DRC12: variants seen among roughly 807,000 people sequenced by gnomAD.
DRC12 encodes the protein dynein regulatory complex subunit 12 homolog.
At chr11:119,191,301 T>C in the DRC12 span, among the ~76,000 whole-genome samples, 1 of 151,560 alleles carries the variant, frequency 6.6e-6, no homozygotes, top group Non-Finnish European at 1.5e-5. Flanking sequence ...GGTTTCACCA[T>C]GTTGGCCAGG....
the DRC12 span, chr11:119,195,042 C>A: frequency 6.8e-7 from 1 of 1,465,232 alleles, no homozygotes; most frequent in South Asian, 1.2e-5. Context: ...TCTCAGCATT[C>A]CTCACTCTGC....
chr11:119,190,787 C>A, the DRC12 span: 101 of 1,613,998 alleles, frequency 6.3e-5, no homozygotes, highest in Middle Eastern at 3.3e-4. This position sits in a 1 kb window ranked among gnomAD's most constrained non-coding sequence, Gnocchi z 4.2. Context: ...TCCCGCTCTC[C>A]GAGAGCTTGT....
At chr11:119,195,354 G>C in the DRC12 span, 2 of 1,378,644 alleles carry the variant, frequency 1.5e-6, no homozygotes, top group Non-Finnish European at 2.0e-6. Flanking sequence ...ATTCTCTCTG[G>C]AGGAGCTCTG....
the DRC12 span, among the ~76,000 whole-genome samples, chr11:119,191,275 T>A: frequency 6.6e-6 from 1 of 151,622 alleles, no homozygotes; most frequent in Admixed American, 6.6e-5. Flanking sequence ...AATCTTCGAA[T>A]TTTTAGTAGA....
the DRC12 span, chr11:119,195,050 T>C: frequency 5.7e-3 from 8,154 of 1,420,736 alleles, 410 homozygotes; most frequent in African/African-American, 0.1. Flanking sequence ...TTCCTCACTC[T>C]GCTCACATCC....
the DRC12 span, chr11:119,190,921 G>T: frequency 6.7e-7 from 1 of 1,499,174 alleles, no homozygotes; most frequent in Non-Finnish European, 9.0e-7. The surrounding 1 kb of genome is among the most constrained non-coding windows in gnomAD (Gnocchi z 4.2). Flanking sequence ...CTGGAAAGGA[G>T]ACCTCAAATG....
chr11:119,191,677 G>A, the DRC12 span, among the ~76,000 whole-genome samples: 3 of 151,552 alleles, frequency 2.0e-5, no homozygotes, highest in Admixed American at 6.6e-5. Context: ...GCATGGTGGC[G>A]CACACCTGTA....
chr11:119,193,872 A>T, the DRC12 span: 1 of 1,551,312 alleles, frequency 6.4e-7, no homozygotes, highest in Non-Finnish European at 8.7e-7. Context: ...GACGGGCTTC[A>T]TCCCTCCGTA....
chr11:119,193,542 C>A, the DRC12 span: 2 of 1,406,482 alleles, frequency 1.4e-6, no homozygotes, highest in Non-Finnish European at 1.9e-6. Context: ...CAGCATCAAG[C>A]ACATGGCACC....
At chr11:119,190,933 G>A in the DRC12 span, 2 of 1,446,006 alleles carry the variant, frequency 1.4e-6, no homozygotes, top group South Asian at 2.6e-5. The surrounding 1 kb of genome is among the most constrained non-coding windows in gnomAD (Gnocchi z 4.2). Context: ...CCTCAAATGG[G>A]CTCGTTCCAG....
chr11:119,194,615 GAA>G, the DRC12 span, among the ~76,000 whole-genome samples: 1 of 151,428 alleles, frequency 6.6e-6, no homozygotes, highest in Non-Finnish European at 1.5e-5. Context: ...GCTGAGGCGG[GAA>G]GATTGTTGCG....
the DRC12 span, among the ~76,000 whole-genome samples, chr11:119,194,529 A>AG: frequency 1.5e-5 from 2 of 136,736 alleles, no homozygotes; most frequent in East Asian, 2.1e-4. Context: ...AAAAAAAAAA[A>AG]AAAAAAAAAA....
the DRC12 span, chr11:119,193,815 C>T: frequency 6.4e-7 from 1 of 1,551,698 alleles, no homozygotes; most frequent in Non-Finnish European, 8.7e-7. Flanking sequence ...GCTCAGCCTC[C>T]ACCCCTTGCA....
the DRC12 span, among the ~76,000 whole-genome samples, chr11:119,191,716 G>C: frequency 4.6e-5 from 7 of 151,804 alleles, no homozygotes; most frequent in Non-Finnish European, 1.0e-4. Context: ...ACTGAGGCAG[G>C]AGAATTGCTT....
At chr11:119,190,927 A>G in the DRC12 span, 1 of 1,483,234 alleles carries the variant, frequency 6.7e-7, no homozygotes. This position sits in a 1 kb window ranked among gnomAD's most constrained non-coding sequence, Gnocchi z 4.2. Flanking sequence ...AGGAGACCTC[A>G]AATGGGCTCG....
chr11:119,194,024 G>A, the DRC12 span: 2 of 848,698 alleles, frequency 2.4e-6, no homozygotes, highest in Non-Finnish European at 3.5e-6. Context: ...GGGTTTTGTT[G>A]TTTTTGTTTT....
the DRC12 span, chr11:119,193,928 C>T: frequency 6.5e-7 from 1 of 1,538,132 alleles, no homozygotes; most frequent in Non-Finnish European, 8.8e-7. Flanking sequence ...GGCTGGGTCC[C>T]ACTAAATCAG....
At chr11:119,193,548 G>A in the DRC12 span, 2 of 1,410,568 alleles carry the variant, frequency 1.4e-6, no homozygotes, top group African/African-American at 1.4e-5. Context: ...CAAGCACATG[G>A]CACCAGGCAT....
the DRC12 span, chr11:119,190,843 G>C: frequency 3.7e-6 from 6 of 1,610,456 alleles, no homozygotes; most frequent in South Asian, 6.6e-5. The surrounding 1 kb of genome is among the most constrained non-coding windows in gnomAD (Gnocchi z 4.2). Flanking sequence ...GCATGCCTCT[G>C]GGGGCAGGCA....
Sources: gnomAD v4.1 joint callset for allele counts (sites outside exome capture counted in the v4.1 genomes callset) on GRCh38, gnomAD v4.1.1 for gene constraint, Gnocchi (gnomAD v3.1) non-coding constraint, MANE v1.5 for transcripts, NCBI Gene and HGNC (gene_info 2026-07-23, HGNC 2026-07-21) for gene names.